HDX: variants seen among roughly 807,000 people sequenced by gnomAD.
HDX encodes the protein highly divergent homeobox, also known as chromosome X open reading frame 43.
A neutral mutation model predicts 45.2 loss-of-function variants in HDX; 19 were observed. The observed-to-expected ratio is 0.42, with a 90% CI of 0.29 to 0.62. The LOEUF (loss-of-function observed/expected upper bound fraction) is 0.62, where lower values mean the gene tolerates loss of function less well. HDX is among the 20% of genes least tolerant of loss of function. HDX has a pLI of 0.20. For missense variants in HDX, 532 were observed against 493.9 expected (o/e 1.08, Z -0.73); for synonymous variants, 188 against 172.8 (o/e 1.09, Z -0.69).
intron 5 of HDX, among the ~76,000 whole-genome samples, chrX:84,376,649 G>T (rs2038063801): frequency 8.9e-6 from 1 of 112,229 alleles, no homozygotes; most frequent in Admixed American, 9.4e-5. Flanking sequence ...AGAGGATGAG[G>T]CTCTTTTGCC....
At chrX:84,487,276 T>C (rs2040814872) in intron 2 of HDX, among the ~76,000 whole-genome samples, 1 of 112,326 alleles carries the variant, frequency 8.9e-6, no homozygotes, top group Non-Finnish European at 1.9e-5. Context: ...ATAGTTATAG[T>C]AGCTGTTTTA....
rs774272597 is a variant in HDX, at chrX:84,468,766, C to G, written c.957G>C (p.Gln319His). Residue 319 changes from glutamine (Q) to histidine (H), a missense_variant, in exon 4 of 11, where the codon CAG becomes CAC. Coordinates refer to ENST00000373177, the MANE Select transcript of HDX (RefSeq NM_001177479.2). ...REEELASMRAQIPSYSRFYES... is the reference protein window; with the variant it reads ...REEELASMRAHIPSYSRFYES... ...CATAAAATCTCGAATAGCTTGGTAT[C>G]TGTGCTCTCATCGATGCCAGCTCTT... 8.3e-7 allele frequency: 1 copy of G among 1,211,564 alleles called. No homozygotes were observed. The highest frequency in any genetic ancestry group is 2.2e-5 in the Admixed American group (1 of 46,017).
chrX:84,374,979 T>G (rs1348495317), intron 5 of HDX, among the ~76,000 whole-genome samples: 141 of 96,661 alleles, frequency 1.5e-3, no homozygotes, highest in Admixed American at 2.1e-3. Flanking sequence ...GGGAGAAAAT[T>G]TTCACAACCT....
At chrX:84,436,856 C>T (rs145366816) in intron 5 of HDX, among the ~76,000 whole-genome samples, 167 of 108,342 alleles carry the variant, frequency 1.5e-3, no homozygotes, top group African/African-American at 5.1e-3. Flanking sequence ...GTCCATGGTG[C>T]AGTTTAAATG....
At chrX:84,361,059 A>G (rs1380775581) in intron 6 of HDX, among the ~76,000 whole-genome samples, 1 of 111,562 alleles carries the variant, frequency 9.0e-6, no homozygotes, top group African/African-American at 3.3e-5. Context: ...ATTTCTCCAT[A>G]TCCTGGCCAA....
chrX:84,463,720 A>T (rs774674314), intron 4 of HDX, among the ~76,000 whole-genome samples: 1 of 110,750 alleles, frequency 9.0e-6, no homozygotes, highest in South Asian at 3.8e-4. Context: ...TTTGACATAG[A>T]GGTAATATGA....
At chrX:84,448,991 A>C (rs772475675) in intron 4 of HDX, among the ~76,000 whole-genome samples, 2 of 108,867 alleles carry the variant, frequency 1.8e-5, no homozygotes, top group East Asian at 5.8e-4. Flanking sequence ...AATCAAATAA[A>C]AAATCTAAAA....
chrX:84,437,129 C>A (rs1374398108), intron 5 of HDX, among the ~76,000 whole-genome samples: 1 of 110,682 alleles, frequency 9.0e-6, no homozygotes, highest in African/African-American at 3.3e-5. Flanking sequence ...ATATTCCTTG[C>A]AAATAGAAAC....
chrX:84,361,467 C>T lies in HDX; in HGVS notation c.1451G>A (p.Arg484Gln), dbSNP rs773183701. The stretch of plus-strand genomic sequence containing the variant: ...TGAAAATTATAGAAAATGTCTTACC[C>T]GAACTATTTCACAGTCAACATTTAA... Reference protein sequence around the residue: ...TELNVDCEIVRTWIGNRRRKY... With the variant: ...TELNVDCEIVQTWIGNRRRKY... Residue 484 changes from arginine (R) to glutamine (Q), a missense_variant and splice_region_variant, in exon 6 of 11, where the codon CGG becomes CAG. By Grantham distance (43) the Arg-to-Gln change is conservative (BLOSUM62 1). This residue lies in a region of HDX where 5 missense variants were observed against 18.5 expected (regional missense o/e 0.27). Coordinates refer to ENST00000373177, the MANE Select transcript of HDX (RefSeq NM_001177479.2). The T allele has an allele frequency of 8.3e-7, 1 of 1,202,685 alleles. No individual in the cohort carries two copies. The highest frequency in any genetic ancestry group is 1.8e-5 in the African/African-American group (1 of 56,912).
chrX:84,474,270 C>T (rs1255203446), intron 3 of HDX, among the ~76,000 whole-genome samples: 7 of 110,126 alleles, frequency 6.4e-5, no homozygotes, highest in Non-Finnish European at 1.3e-4. Flanking sequence ...TCAGCCTGGG[C>T]GACAAGAGCG....
chrX:84,458,278 A>G (rs1475492834), intron 4 of HDX, among the ~76,000 whole-genome samples: 3 of 108,313 alleles, frequency 2.8e-5, no homozygotes, highest in African/African-American at 1.1e-4. Context: ...TTACTTTTGC[A>G]CTATCAAAAA....
intron 5 of HDX, among the ~76,000 whole-genome samples, chrX:84,401,879 A>G (rs993014526): frequency 8.9e-6 from 1 of 112,061 alleles, no homozygotes; most frequent in East Asian, 2.8e-4. Flanking sequence ...GCAGGCATAA[A>G]TCATGTCCCT....
chrX:84,414,298 AC>A (rs1482667033), intron 5 of HDX, among the ~76,000 whole-genome samples: 1 of 111,154 alleles, frequency 9.0e-6, no homozygotes, highest in African/African-American at 3.3e-5. Flanking sequence ...CACCACCTCT[AC>A]CCCAACATGC....
At chrX:84,446,662 C>T (rs2039881252) in intron 4 of HDX, among the ~76,000 whole-genome samples, 2 of 111,455 alleles carry the variant, frequency 1.8e-5, no homozygotes, top group South Asian at 7.5e-4. Flanking sequence ...GATCCTTGTC[C>T]TCCCATGTAA....
At chrX:84,364,805 T>C (rs2037709030) in intron 5 of HDX, among the ~76,000 whole-genome samples, 1 of 110,884 alleles carries the variant, frequency 9.0e-6, no homozygotes. Context: ...TGCTCTCTGG[T>C]TCTATGAGTT....
At chrX:84,452,595 C>G (rs1308907195) in intron 4 of HDX, among the ~76,000 whole-genome samples, 4 of 105,757 alleles carry the variant, frequency 3.8e-5, no homozygotes, top group African/African-American at 1.4e-4. Context: ...AAATACATGA[C>G]AAGGACAAAT....
At chrX:84,450,345 A>T (rs2039971269) in intron 4 of HDX, among the ~76,000 whole-genome samples, 1 of 111,780 alleles carries the variant, frequency 8.9e-6, no homozygotes, top group Admixed American at 9.5e-5. Flanking sequence ...CAGTAAAGGG[A>T]TGGAAAAAAA....
intron 4 of HDX, 23 bp from the exon 5 acceptor site, chrX:84,440,608 C>A (rs201715119): frequency 6.7e-6 from 7 of 1,047,110 alleles, no homozygotes; most frequent in Non-Finnish European, 9.3e-6. Context: ...TAAATGGAAT[C>A]TCAGTAAGCT....
chrX:84,325,558 G>A (rs1028483019), intron 10 of HDX, among the ~76,000 whole-genome samples: 3 of 111,372 alleles, frequency 2.7e-5, no homozygotes, highest in Non-Finnish European at 5.7e-5. Context: ...ATATAATTTG[G>A]GAGGAACTGG....
Sources: gnomAD v4.1 joint callset for allele counts (sites outside exome capture counted in the v4.1 genomes callset) on GRCh38, gnomAD v4.1.1 for gene constraint, gnomAD v4.1.1 regional missense constraint, MANE v1.5 for transcripts, NCBI Gene and HGNC (gene_info 2026-07-23, HGNC 2026-07-21) for gene names.